Variants in ESYT3 observed in about 807,000 individuals in gnomAD.
ESYT3 encodes extended synaptotagmin 3, also known as extended synaptotagmin-3.
ESYT3 carries 101 observed loss-of-function variants against 111.5 expected under a neutral mutation model. The observed-to-expected ratio is 0.91, with a 90% confidence interval of 0.77 to 1.07. ESYT3 has a LOEUF of 1.07. Ranked by LOEUF, ESYT3 falls within the 50% of genes least tolerant of loss-of-function variation. The pLI is 0.00. For synonymous variants in ESYT3, 416 were observed against 446.8 expected (o/e 0.93, Z 0.87); for missense variants, 1,097 against 1,109.4 (o/e 0.99, Z 0.16).
At chr3:138,469,699 C>T (rs1176894452) in intron 15 of ESYT3, among the ~76,000 whole-genome samples, 195 bp downstream of exon 15, 1 of 152,122 alleles carries the variant, frequency 6.6e-6, no homozygotes, top group Non-Finnish European at 1.5e-5. Context: ...ATGACTTGAC[C>T]AAGGACACAG....
chr3:138,451,243 C>G (rs1447297401), intron 1 of ESYT3, among the ~76,000 whole-genome samples: 1 of 152,116 alleles, frequency 6.6e-6, no homozygotes, highest in Non-Finnish European at 1.5e-5. Context: ...GGGTTGTGAC[C>G]CCGTAGTTGG....
At position 138,473,588 on chromosome 3, in the gene ESYT3, T is replaced by C. The variant is rs1387756496; in HGVS notation, c.2290T>C (p.Tyr764His). ...GGGTGAGATTCAGCTCACAGTGCGC[T>C]ATGTGTGTCTGCGGCGCTGCCTCAG... ...QLGEIQLTVR[Y>H]VCLRRCLSVL... Residue 764 changes from tyrosine (Y) to histidine (H), a missense_variant, in exon 19 of 23, where the codon TAT (tyrosine) becomes CAT (histidine). Tyr to His is a moderately conservative substitution (Grantham distance 83). Coordinates refer to ENST00000389567, the MANE Select transcript of ESYT3 (RefSeq NM_031913.5). The C allele has an allele frequency of 2.5e-6, 4 of 1,613,848 alleles. No individual in the cohort carries two copies. In the African/African-American group the frequency reaches 5.3e-5, roughly 22 times the overall value.
chr3:138,469,970 T>C (rs1016041525), intron 15 of ESYT3, 90 bp from the exon 16 acceptor site: 5 of 1,102,698 alleles, frequency 4.5e-6, no homozygotes, highest in African/African-American at 1.5e-5. Context: ...TTCCCAATGG[T>C]ACCTGGTGGC....
chr3:138,475,262 T>C (rs1190028229), intron 20 of ESYT3, among the ~76,000 whole-genome samples: 1 of 152,112 alleles, frequency 6.6e-6, no homozygotes, highest in Non-Finnish European at 1.5e-5. Context: ...GTCAAAATTG[T>C]GGTGTGGTAG....
rs149063577 is a variant in ESYT3 at position 138,468,814 on chromosome 3, T to C, written c.1372-5T>C. On this transcript the variant is annotated splice_polypyrimidine_tract_variant and splice_region_variant and intron_variant, in intron 13 of 22. Transcript: ENST00000389567. ...TGCTTTAACCCCGTTATTCCTGTGC[T>C]GCAGAGAAACCCTTTTGACTACCTG... The C allele has an allele frequency of 6.8e-4, 1,091 of 1,614,212 alleles. 6 individuals are homozygous for C. In the African/African-American group the frequency reaches 0.013, roughly 19 times the overall value.
intron 2 of ESYT3, 142 bp from the exon 3 acceptor site, chr3:138,455,052 C>T: frequency 2.4e-6 from 2 of 850,236 alleles, no homozygotes; most frequent in Admixed American, 2.4e-5. Flanking sequence ...GATGGGTGGG[C>T]AGGCAAGCAG....
intron 1 of ESYT3, among the ~76,000 whole-genome samples, chr3:138,450,886 C>T (rs1403912129): frequency 6.6e-6 from 1 of 152,208 alleles, no homozygotes; most frequent in South Asian, 2.1e-4. Context: ...TTTTCCCCAC[C>T]GTGGGTGGTC....
Position 138,462,066 on chromosome 3 carries a change from T to C in ESYT3, c.795-20T>C, listed in dbSNP as rs1291320543. On this transcript the variant is annotated intron_variant, in intron 7 of 22. Coordinates refer to ENST00000389567, the MANE Select transcript of ESYT3 (RefSeq NM_031913.5). ...GGAGGCAGTGCCACCCCTCCACAGC[T>C]GGTCCTGCCTTGTGTCCAGTGATGT... is the stretch of plus-strand genomic sequence containing the variant. The C allele has an allele frequency of 6.2e-7, 1 of 1,613,740 alleles. No individual in the cohort carries two copies. The highest frequency in any genetic ancestry group is 8.5e-7 in the Non-Finnish European group (1 of 1,179,918).
chr3:138,472,369 C>T lies in ESYT3; in HGVS notation c.1747C>T (p.Gln583Ter), dbSNP rs759054979. 14 of 1,612,930 alleles carry T rather than the reference C, an allele frequency of 8.7e-6. No homozygotes were observed. Among genetic ancestry groups the T allele is most frequent in the African/African-American group, 1.3e-5 (1 of 74,752 alleles). The change falls in exon 18 of 23, where the codon CAA (glutamine) becomes TAA (stop). Residue 583 changes from glutamine (Q) to a stop codon, truncating the protein, a stop_gained. Transcript: ENST00000389567. LOFTEE classifies it high-confidence loss of function. The part of the protein sequence containing the change: ...ISMRLVLRFL[Q>*]VEERELGSPY... ...CCCTCTTATCTGCTTGCAGTTCCTGCAAGTGGAGGAACGAGAGCTGGGGAG... is the reference window on the plus strand; with the variant it reads ...CCCTCTTATCTGCTTGCAGTTCCTGTAAGTGGAGGAACGAGAGCTGGGGAG...
At position 138,435,087 on chromosome 3, in the gene ESYT3, A is replaced by T. The variant is rs768159492; in HGVS notation, c.289A>T (p.Ile97Phe). 1.9e-6 allele frequency: 3 copies of T among 1,591,242 alleles called. No individual in the cohort carries two copies. Among genetic ancestry groups the T allele is most frequent in the East Asian group, 2.3e-5 (1 of 44,164 alleles). The change falls in exon 1 of 23, where the codon ATC (isoleucine) becomes TTC (phenylalanine). Residue 97 changes from isoleucine (I) to phenylalanine (F), a missense_variant. Coordinates refer to ENST00000389567, the MANE Select transcript of ESYT3 (RefSeq NM_031913.5). The surrounding 1 kb of genome is among the most constrained non-coding windows in gnomAD (Gnocchi z 4.8). ...FEFLDNEREF[I>F]SRELRGQHLP... ...ATTCCTTGACAATGAACGCGAGTTC[A>T]TCAGCCGCGAGCTGCGGGGCCAGCA...
rs774195990 is a variant in ESYT3, at chr3:138,469,421, T to C, written c.1435-15T>C. On this transcript the variant is annotated splice_polypyrimidine_tract_variant and intron_variant, in intron 14 of 22. Transcript: ENST00000389567. The stretch of plus-strand genomic sequence containing the variant: ...ACTATGCCACCTTCACTGTTATGGA[T>C]TTGATTCCTCACAGAACAAGGTCAG... 7 of 1,611,498 alleles carry C rather than the reference T, an allele frequency of 4.3e-6. No homozygotes were observed. In the East Asian group the frequency reaches 1.3e-4, roughly 31 times the overall value.
At chr3:138,461,164 G>A (rs1205790156) in intron 7 of ESYT3, among the ~76,000 whole-genome samples, 1 of 152,236 alleles carries the variant, frequency 6.6e-6, no homozygotes, top group Non-Finnish European at 1.5e-5. Context: ...ACACTCAGCT[G>A]TGTGGTGGTG....
chr3:138,436,992 G>A (rs1007756001), intron 1 of ESYT3, among the ~76,000 whole-genome samples: 2 of 151,668 alleles, frequency 1.3e-5, no homozygotes, highest in African/African-American at 4.9e-5. Flanking sequence ...AGACAGTTCT[G>A]GCCTCTGTTG....
At position 138,479,377 on chromosome 3, in the gene ESYT3, G is replaced by A. The variant is rs1399877324; in HGVS notation, c.*2523G>A. 6.6e-6 allele frequency: 1 copy of A among 152,184 alleles called. No homozygotes were observed. The highest frequency in any genetic ancestry group is 1.5e-5 in the Non-Finnish European group (1 of 68,034). 9.4% of individuals were successfully genotyped at this position (152,184 alleles called of 1,614,324 possible). A position where few individuals can be genotyped will look rare whatever the true frequency, so the allele number is the denominator to read the frequency against. ...AGGGGCAGCTAGGCTGATTAAGAAA[G>A]TAAGTATTCAAGACCATATCTTATT... On this transcript the variant is annotated 3_prime_UTR_variant, in exon 23 of 23. Transcript: ENST00000389567.
intron 1 of ESYT3, among the ~76,000 whole-genome samples, chr3:138,442,578 GC>G (rs1349856540): frequency 6.6e-6 from 1 of 152,134 alleles, no homozygotes; most frequent in African/African-American, 2.4e-5. Context: ...TTGTCCATGG[GC>G]TCCTACAGGG....
chr3:138,453,932 C>T (rs2032104461), intron 2 of ESYT3, among the ~76,000 whole-genome samples: 1 of 152,236 alleles, frequency 6.6e-6, no homozygotes, highest in Admixed American at 6.5e-5. Flanking sequence ...AACGATCCTC[C>T]TGCCTCAGCC....
chr3:138,460,098 C>G, intron 6 of ESYT3, 64 bp downstream of exon 6: 1 of 1,464,780 alleles, frequency 6.8e-7, no homozygotes, highest in South Asian at 1.2e-5. Context: ...CTGCTGGGCC[C>G]TAGACATTGG....
chr3:138,452,797 G>A (rs1314614012), intron 2 of ESYT3, among the ~76,000 whole-genome samples: 1 of 152,212 alleles, frequency 6.6e-6, no homozygotes, highest in Non-Finnish European at 1.5e-5. Context: ...TACAAACCTT[G>A]CCTCTGGGAG....
chr3:138,459,276 G>C (rs371677867), intron 5 of ESYT3, 23 bp downstream of exon 5: 8 of 1,524,734 alleles, frequency 5.2e-6, no homozygotes, highest in Non-Finnish European at 7.1e-6. Context: ...CGGTGGGGCT[G>C]CCTCTGTTCC....
Sources: gnomAD v4.1 joint callset for allele counts (sites outside exome capture counted in the v4.1 genomes callset) on GRCh38, gnomAD v4.1.1 for gene constraint, Gnocchi (gnomAD v3.1) non-coding constraint, MANE v1.5 for transcripts, NCBI Gene and HGNC (gene_info 2026-07-23, HGNC 2026-07-21) for gene names.